The following RPS6KA2 variants were observed in gnomAD, a reference collection of about 807,000 sequenced individuals.
The protein encoded by RPS6KA2 is ribosomal protein S6 kinase alpha-2.
In RPS6KA2, 42 loss-of-function variants were observed where a neutral mutation model predicts 91.8. That is an observed-to-expected ratio of 0.46 (90% CI 0.36 to 0.59). The LOEUF (loss-of-function observed/expected upper bound fraction) is 0.59. RPS6KA2 is among the 20% of genes least tolerant of loss of function. The probability of loss-of-function intolerance (pLI) is 0.00; values close to 1 mark genes in which losing one functional copy is unlikely to be tolerated. For missense variants in RPS6KA2, 798 were observed against 978.5 expected (o/e 0.82, Z 2.46); for synonymous variants, 414 against 393.6 (o/e 1.05, Z -0.61).
chr6:166,834,314 C>T (rs1478487159), intron 2 of RPS6KA2, among the ~76,000 whole-genome samples: 3 of 152,038 alleles, frequency 2.0e-5, no homozygotes, highest in Admixed American at 1.3e-4. Context: ...TTCACACACT[C>T]ATTTGCCGTT....
intron 3 of RPS6KA2, among the ~76,000 whole-genome samples, chr6:166,530,988 A>G (rs1418931023): frequency 1.3e-5 from 2 of 152,246 alleles, no homozygotes; most frequent in Non-Finnish European, 2.9e-5. Context: ...ACGGCAGAAC[A>G]TATGTGGGAG....
chr6:166,650,976 C>A (rs1405663136), intron 2 of RPS6KA2, among the ~76,000 whole-genome samples: 1 of 152,124 alleles, frequency 6.6e-6, no homozygotes, highest in Non-Finnish European at 1.5e-5. Context: ...AAATTATGGC[C>A]ATGGACAGCT....
chr6:166,594,220 G>A (rs35798186), intron 1 of RPS6KA2, among the ~76,000 whole-genome samples: 13,460 of 152,172 alleles, frequency 0.088, 718 homozygotes, highest in East Asian at 0.26. Context: ...TTTCTAGAAG[G>A]TGATTCAAAT....
chr6:166,581,066 A>C (rs964497173), intron 1 of RPS6KA2, among the ~76,000 whole-genome samples: 1 of 152,004 alleles, frequency 6.6e-6, no homozygotes, highest in Non-Finnish European at 1.5e-5. Context: ...CGCCCAGCTA[A>C]TTTTTGTAAT....
intron 5 of RPS6KA2, among the ~76,000 whole-genome samples, chr6:166,507,866 C>A (rs1782301097): frequency 6.7e-6 from 1 of 149,620 alleles, no homozygotes; most frequent in Non-Finnish European, 1.5e-5. Context: ...CACACACAAC[C>A]CCAAACACCA....
chr6:166,796,423 T>C (rs1405870359), intron 2 of RPS6KA2, among the ~76,000 whole-genome samples: 1 of 152,110 alleles, frequency 6.6e-6, no homozygotes, highest in Non-Finnish European at 1.5e-5. Flanking sequence ...ACCCTGTCTC[T>C]ATTAAAAACA....
At chr6:166,820,326 T>G (rs1172835398) in intron 2 of RPS6KA2, among the ~76,000 whole-genome samples, 11 of 152,146 alleles carry the variant, frequency 7.2e-5, no homozygotes, top group Admixed American at 7.2e-4. Context: ...CTTTTCTCAT[T>G]AAAGGTTTCC....
chr6:166,536,113 A>AT lies in RPS6KA2; in HGVS notation c.216+2554dup, dbSNP rs535857558. Among the ~76,000 whole-genome samples, 4 of 152,248 alleles carry AT rather than the reference A, an allele frequency of 2.6e-5. No individual in the cohort carries two copies. In the South Asian group the frequency reaches 8.3e-4, roughly 32 times the overall value. On this transcript the variant is annotated intron_variant, in intron 2 of 20. Coordinates refer to ENST00000265678, the MANE Select transcript of RPS6KA2 (RefSeq NM_021135.6). ...CATGTCATCCATTTCTGCATCTCCAATGTCATCATTAAATAAGAGAGAAAG... is the reference window on the plus strand; with the variant it reads ...CATGTCATCCATTTCTGCATCTCCAATTGTCATCATTAAATAAGAGAGAAAG...
chr6:166,460,477 G>A (rs1229325827), intron 11 of RPS6KA2, among the ~76,000 whole-genome samples: 2 of 152,246 alleles, frequency 1.3e-5, no homozygotes, highest in African/African-American at 4.8e-5. Context: ...AGTGCTGAGA[G>A]AAGTGTGGAG....
At chr6:166,783,778 ATC>A (rs71790138) in intron 2 of RPS6KA2, among the ~76,000 whole-genome samples, 10,534 of 122,272 alleles carry the variant, frequency 0.086, 1,266 homozygotes, top group African/African-American at 0.12. Context: ...GTGCACATCT[ATC>A]TATAACTACA....
chr6:166,723,851 C>T lies in RPS6KA2; in HGVS notation c.123+134349G>A, dbSNP rs1790259383. On this transcript the variant is annotated intron_variant, in intron 2 of 21. Transcript: ENST00000503859. ...AGTAGCTGGGATTACAGGCACGCGC[C>T]ACCACGCCCAGCTAATTTTTGTATT... is the stretch of plus-strand genomic sequence containing the variant. Among the ~76,000 whole-genome samples the T allele has an allele frequency of 1.3e-5, 2 of 152,022 alleles. 1 individual carries two copies. The highest frequency in any genetic ancestry group is 4.1e-4 in the South Asian group (2 of 4,820).
intron 3 of RPS6KA2, among the ~76,000 whole-genome samples, chr6:166,519,454 A>C (rs1286103590): frequency 6.6e-6 from 1 of 152,226 alleles, no homozygotes; most frequent in African/African-American, 2.4e-5. Flanking sequence ...TTAGCCCTCT[A>C]TTTGTGGCCA....
chr6:166,517,965 G>C (rs957762174), intron 3 of RPS6KA2, among the ~76,000 whole-genome samples: 1 of 152,016 alleles, frequency 6.6e-6, no homozygotes, highest in African/African-American at 2.4e-5. Context: ...ATCTCTGTTC[G>C]AGGCTCTTAG....
At chr6:166,664,308 T>G (rs995978500) in intron 2 of RPS6KA2, among the ~76,000 whole-genome samples, 1 of 152,254 alleles carries the variant, frequency 6.6e-6, no homozygotes, top group African/African-American at 2.4e-5. Flanking sequence ...AGCTCACAGC[T>G]GGAACGCTGC....
At chr6:166,469,323 G>A (rs1429229238) in intron 11 of RPS6KA2, among the ~76,000 whole-genome samples, 1 of 101,442 alleles carries the variant, frequency 9.9e-6, no homozygotes, top group East Asian at 2.6e-4. Flanking sequence ...ACTCGGCACT[G>A]TTGTTTTTTT....
chr6:166,568,621 G>GGAA (rs1784578566), intron 1 of RPS6KA2, among the ~76,000 whole-genome samples: 10 of 45,550 alleles, frequency 2.2e-4, no homozygotes, highest in East Asian at 7.9e-4. Context: ...CTCCATCTCA[G>GGAA]AAAAAAAAAA....
intron 2 of RPS6KA2, among the ~76,000 whole-genome samples, chr6:166,669,757 T>C (rs901819426): frequency 2.6e-4 from 40 of 152,134 alleles, no homozygotes; most frequent in African/African-American, 9.2e-4. Context: ...TTCATCCCAG[T>C]GGGTGAAAGA....
intron 2 of RPS6KA2, among the ~76,000 whole-genome samples, chr6:166,791,157 G>A (rs1373704194): frequency 6.6e-6 from 1 of 152,068 alleles, no homozygotes; most frequent in East Asian, 1.9e-4. Context: ...CAAAATAAAG[G>A]GATGGAGGAA....
chr6:166,544,709 G>A (rs1006216906), intron 1 of RPS6KA2: 36 of 150,846 alleles, frequency 2.4e-4, no homozygotes, highest in African/African-American at 8.5e-4. Flanking sequence ...AACGGCTCGC[G>A]AACTCTGGGG....
Sources: allele counts gnomAD v4.1 joint callset (sites outside exome capture counted in the v4.1 genomes callset), GRCh38; gene constraint gnomAD v4.1.1; transcripts MANE v1.5; gene names NCBI Gene and HGNC (gene_info 2026-07-23, HGNC 2026-07-21).